MCTP1: variants seen among roughly 807,000 people sequenced by gnomAD.
MCTP1 encodes multiple C2 and transmembrane domain containing 1.
Under a neutral mutation model 120.6 loss-of-function variants are expected in MCTP1, and 69 were observed. The ratio of observed to expected loss-of-function variants is 0.57; its 90% CI spans 0.47 to 0.70. MCTP1 has a LOEUF of 0.70. Ranked by LOEUF, MCTP1 falls within the 30% of genes least tolerant of loss-of-function variation. The pLI is 0.00. For synonymous variants in MCTP1, 529 were observed against 493.1 expected, an observed-to-expected ratio of 1.07 and a Z score of -0.96; for missense variants, 1,203 against 1,248.8, an observed-to-expected ratio of 0.96 and a Z score of 0.55.
At chr5:94,729,461 GA>G (rs1203668078) in intron 19 of MCTP1, among the ~76,000 whole-genome samples, 3 of 152,196 alleles carry the variant, frequency 2.0e-5, no homozygotes, top group Non-Finnish European at 4.4e-5. Context: ...AAACCAGAGA[GA>G]CATATCAAGG....
At position 94,917,909 on chromosome 5, in the gene MCTP1, C is replaced by G; in HGVS notation, c.1337G>C (p.Cys446Ser). ...GGTTGAACTTACTTGTACATTTTTG[C>G]AATAAGGATTCTGAAGCTCTGCTCT... ...FCRAELQNPYCKNVQFQTQSL... is the reference protein window; with the variant it reads ...FCRAELQNPYSKNVQFQTQSL... Residue 446 changes from cysteine to serine, a missense_variant, in exon 8 of 23, where the codon TGC becomes TCC. Coordinates refer to ENST00000515393, the MANE Select transcript of MCTP1 (RefSeq NM_024717.7). 1.2e-6 allele frequency: 2 copies of G among 1,613,494 alleles called. No individual in the cohort carries two copies. Among genetic ancestry groups the G allele is most frequent in the Non-Finnish European group, 8.5e-7 (1 of 1,179,552 alleles).
chr5:94,853,463 GT>G (rs1440993232), intron 17 of MCTP1, among the ~76,000 whole-genome samples: 12 of 151,974 alleles, frequency 7.9e-5, no homozygotes. Context: ...TCAACTGTGT[GT>G]TTTTAAGCCA....
rs538939677 is a variant in MCTP1, at chr5:95,232,604, G to A, written c.720+51252C>T. ...CTCCAGAGTAGCTGGGACTATAGGC[G>A]CTTGCCACCACACCCAGCTAATTTT... On this transcript the variant is annotated intron_variant, in intron 1 of 22. Coordinates refer to ENST00000515393, the MANE Select transcript of MCTP1 (RefSeq NM_024717.7). Among the ~76,000 whole-genome samples the A allele has an allele frequency of 1.8e-4, 27 of 151,944 alleles. No homozygotes were observed. The South Asian group carries it at 3.1e-3, about 18-fold the overall frequency.
At chr5:95,207,472 A>T (rs1751756822) in intron 1 of MCTP1, among the ~76,000 whole-genome samples, 1 of 152,202 alleles carries the variant, frequency 6.6e-6, no homozygotes, top group Non-Finnish European at 1.5e-5. Flanking sequence ...ACTCTTCAAA[A>T]TGCTTTTTAA....
intron 2 of MCTP1, among the ~76,000 whole-genome samples, chr5:95,012,224 G>A (rs1214123852): frequency 6.6e-6 from 1 of 151,878 alleles, no homozygotes; most frequent in Non-Finnish European, 1.5e-5. Context: ...AGCACCACAG[G>A]GTTCATTCTA....
intron 1 of MCTP1, among the ~76,000 whole-genome samples, chr5:95,211,547 T>C (rs1752375757): frequency 6.6e-6 from 1 of 152,190 alleles, no homozygotes; most frequent in African/African-American, 2.4e-5. Context: ...AGCACTTCTC[T>C]GTATTGGTTA....
At chr5:95,240,817 T>G (rs1756078997) in intron 1 of MCTP1, among the ~76,000 whole-genome samples, 1 of 152,106 alleles carries the variant, frequency 6.6e-6, no homozygotes, top group South Asian at 2.1e-4. Flanking sequence ...CTTATCTTCC[T>G]TTTATTATCC....
In MCTP1 at chr5:94,870,627, A is replaced by G. The variant is rs929963090; in HGVS notation, c.2242-136T>C. On this transcript the variant is annotated intron_variant, in intron 15 of 22. Transcript: ENST00000515393. Reference sequence around the variant, plus strand: ...GTGCTCATAAAATATAAATGTATACAGTTGCACATGCATGCGCTTCCCTTT... The same window carrying G: ...GTGCTCATAAAATATAAATGTATACGGTTGCACATGCATGCGCTTCCCTTT... 6.9e-6 allele frequency: 5 copies of G among 720,946 alleles called. No homozygotes were observed. The East Asian group carries it at 1.0e-4, about 15-fold the overall frequency. 44.7% of individuals were successfully genotyped at this position (720,946 alleles called of 1,614,324 possible).
chr5:95,154,161 A>C (rs1744836256), intron 1 of MCTP1: 1 of 152,188 alleles, frequency 6.6e-6, no homozygotes, highest in African/African-American at 2.4e-5. Context: ...GTTTGTGCTC[A>C]TCTTGTCACA....
At chr5:94,876,207 C>A (rs1013868288) in intron 12 of MCTP1, among the ~76,000 whole-genome samples, 1 of 152,112 alleles carries the variant, frequency 6.6e-6, no homozygotes, top group Non-Finnish European at 1.5e-5. Context: ...TGATTATCTG[C>A]CACTTAAACA....
At chr5:94,953,145 G>A (rs2153533590) in intron 3 of MCTP1, 74 bp downstream of exon 3, 1 of 1,381,830 alleles carries the variant, frequency 7.2e-7, no homozygotes, top group Non-Finnish European at 9.8e-7. Flanking sequence ...ATCAGACAAA[G>A]AAACATGATA....
At chr5:94,993,881 T>C (rs1270292089) in intron 2 of MCTP1, among the ~76,000 whole-genome samples, 3 of 152,210 alleles carry the variant, frequency 2.0e-5, no homozygotes, top group Non-Finnish European at 4.4e-5. Flanking sequence ...CAAACAAGAT[T>C]GCAATAGATT....
intron 1 of MCTP1, chr5:95,024,118 C>T (rs1838738216): frequency 2.3e-6 from 1 of 438,842 alleles, no homozygotes; most frequent in Non-Finnish European, 4.6e-6. Context: ...TCCCATTTGT[C>T]TATTTTTGCT....
At chr5:94,900,218 G>C (rs190038411) in intron 10 of MCTP1, among the ~76,000 whole-genome samples, 1 of 152,324 alleles carries the variant, frequency 6.6e-6, no homozygotes, top group East Asian at 1.9e-4. Flanking sequence ...CTCAGCCTGA[G>C]ATGATGTATC....
chr5:94,759,904 A>G (rs1455408821), intron 19 of MCTP1, among the ~76,000 whole-genome samples: 18 of 1,378 alleles, frequency 0.013, no homozygotes, highest in Admixed American at 9.4e-3. Flanking sequence ...TTTCAAAGAG[A>G]AAAAAAAAAA....
chr5:94,909,038 A>G (rs1344298774), intron 10 of MCTP1, among the ~76,000 whole-genome samples: 5 of 152,058 alleles, frequency 3.3e-5, no homozygotes, highest in African/African-American at 1.2e-4. Context: ...ATGGATATCA[A>G]ATTCAGATAG....
At chr5:95,016,115 G>A (rs978233189) in intron 2 of MCTP1, among the ~76,000 whole-genome samples, 3 of 151,998 alleles carry the variant, frequency 2.0e-5, no homozygotes, top group South Asian at 2.1e-4. Flanking sequence ...TTTTGAAAAC[G>A]TCTCCTATCT....
At chr5:95,166,749 A>G (rs1746434064) in intron 1 of MCTP1, among the ~76,000 whole-genome samples, 1 of 151,722 alleles carries the variant, frequency 6.6e-6, no homozygotes, top group South Asian at 2.1e-4. Flanking sequence ...TTGTATTTTT[A>G]GTAGAGATGG....
At chr5:94,871,282 C>A in intron 14 of MCTP1, 33 bp downstream of exon 14, 3 of 1,249,574 alleles carry the variant, frequency 2.4e-6, no homozygotes, top group Non-Finnish European at 2.4e-6. Context: ...GCAAAAGCAA[C>A]ACAGAACAGT....
Sources: gnomAD v4.1 joint callset for allele counts (sites outside exome capture counted in the v4.1 genomes callset) on GRCh38, gnomAD v4.1.1 for gene constraint, MANE v1.5 for transcripts, NCBI Gene and HGNC (gene_info 2026-07-23, HGNC 2026-07-21) for gene names.